CNTNAP2: variants seen among roughly 807,000 people sequenced by gnomAD.
The protein encoded by CNTNAP2 is contactin-associated protein-like 2.
In CNTNAP2, 98 loss-of-function variants were observed where a neutral mutation model predicts 155.2. The ratio of observed to expected loss-of-function variants is 0.63; its 90% CI spans 0.54 to 0.75. CNTNAP2 has a LOEUF of 0.75. CNTNAP2 is among the 30% of genes least tolerant of loss of function. The probability of loss-of-function intolerance (pLI) is 0.00; values close to 1 mark genes in which losing one functional copy is unlikely to be tolerated. For synonymous variants in CNTNAP2, 651 were observed against 631.2 expected, an observed-to-expected ratio of 1.03 and a Z score of -0.47; for missense variants, 1,727 against 1,688.1, an observed-to-expected ratio of 1.02 and a Z score of -0.40.
intron 3 of CNTNAP2, among the ~76,000 whole-genome samples, chr7:146,944,560 A>C (rs1797119233): frequency 6.6e-6 from 1 of 152,184 alleles, no homozygotes; most frequent in African/African-American, 2.4e-5. Flanking sequence ...AAGATTATTA[A>C]TGTAGATATA....
chr7:147,057,148 A>T (rs932676404), intron 4 of CNTNAP2, among the ~76,000 whole-genome samples: 2 of 152,134 alleles, frequency 1.3e-5, no homozygotes, highest in African/African-American at 4.8e-5. Context: ...CTACAAATTT[A>T]TTTAAGATCT....
chr7:146,947,274 A>C (rs1797196407), intron 3 of CNTNAP2, among the ~76,000 whole-genome samples: 3 of 151,304 alleles, frequency 2.0e-5, no homozygotes, highest in African/African-American at 7.3e-5. Flanking sequence ...GTCATTTTTT[A>C]AATTTTTTTC....
chr7:147,197,150 T>C (rs1432792621), intron 8 of CNTNAP2, among the ~76,000 whole-genome samples: 1 of 152,050 alleles, frequency 6.6e-6, no homozygotes, highest in African/African-American at 2.4e-5. Flanking sequence ...CATAGGAGTA[T>C]AACTTTGTAA....
intron 21 of CNTNAP2, among the ~76,000 whole-genome samples, chr7:148,286,324 T>A (rs1797081444): frequency 6.6e-6 from 1 of 152,232 alleles, no homozygotes; most frequent in Non-Finnish European, 1.5e-5. Context: ...TCTGTGTCGA[T>A]CCTAGTGCTC....
chr7:147,851,202 C>G (rs969950445), intron 13 of CNTNAP2, among the ~76,000 whole-genome samples: 2 of 152,076 alleles, frequency 1.3e-5, no homozygotes, highest in Non-Finnish European at 2.9e-5. Flanking sequence ...CAGAGAAATG[C>G]AAATCAAAAC....
At chr7:146,374,265 T>G (rs1038601123) in intron 1 of CNTNAP2, among the ~76,000 whole-genome samples, 31 of 152,162 alleles carry the variant, frequency 2.0e-4, no homozygotes, top group African/African-American at 7.5e-4. Flanking sequence ...GATAAAGAGC[T>G]TCCAAATTTA....
chr7:147,150,412 T>A (rs1801801488), intron 8 of CNTNAP2, among the ~76,000 whole-genome samples: 5 of 151,780 alleles, frequency 3.3e-5, no homozygotes, highest in Admixed American at 2.6e-4. Context: ...AAAGAAAAAA[T>A]GTAGAGTAGA....
intron 13 of CNTNAP2, among the ~76,000 whole-genome samples, chr7:147,775,403 TTATATATATATTTATATA>T: frequency 1.2e-5 from 1 of 81,012 alleles, no homozygotes; most frequent in African/African-American, 4.5e-5. Flanking sequence ...ATATATATAT[TTATATATATATTTATATA>T]TATATATCTG....
At chr7:146,678,537 A>T (rs181100104) in intron 1 of CNTNAP2, among the ~76,000 whole-genome samples, 1 of 152,252 alleles carries the variant, frequency 6.6e-6, no homozygotes, top group East Asian at 1.9e-4. Context: ...GAAAATTTGC[A>T]TATATAATTT....
chr7:148,197,213 T>C (rs1201510021), intron 18 of CNTNAP2, among the ~76,000 whole-genome samples: 1 of 152,154 alleles, frequency 6.6e-6, no homozygotes, highest in Admixed American at 6.5e-5. Context: ...GAAAAATATG[T>C]TTTTACATAA....
In CNTNAP2 at chr7:148,399,368, G is replaced by A. The variant is rs1377993469; in HGVS notation, c.3716-10023G>A. ...CGTGCCTATAGTCCCAGCTACATGA[G>A]TCCAGGAGTTCAAGATCAGCCTGAG... On this transcript the variant is annotated intron_variant, in intron 22 of 23. Transcript: ENST00000361727. 2.0e-5 allele frequency among the ~76,000 whole-genome samples: 3 copies of A among 152,184 alleles called. No individual in the cohort carries two copies. In the East Asian group the frequency reaches 5.8e-4, roughly 29 times the overall value.
chr7:147,956,047 G>A (rs1246082557), intron 14 of CNTNAP2, among the ~76,000 whole-genome samples: 4 of 152,120 alleles, frequency 2.6e-5, no homozygotes, highest in Non-Finnish European at 5.9e-5. Context: ...AGAATTTATA[G>A]CTTACTTAGC....
chr7:146,657,660 A>G (rs1800018334), intron 1 of CNTNAP2, among the ~76,000 whole-genome samples: 2 of 152,082 alleles, frequency 1.3e-5, no homozygotes, highest in South Asian at 2.1e-4. Flanking sequence ...GTTTTTTGCC[A>G]TAACTGTTTT....
Position 147,805,523 on chromosome 7 carries a change from T to A in CNTNAP2, c.2099-98042T>A, listed in dbSNP as rs191130318. Among the ~76,000 whole-genome samples the A allele has an allele frequency of 2.2e-3, 334 of 152,276 alleles. 2 individuals are homozygous for A. The highest frequency in any genetic ancestry group is 6.8e-3 in the Admixed American group (104 of 15,296). ...GTTCCAGATCTTAGAGGAAAGGCAT[T>A]CAGTTTTTCCCTGCTCAGTATGACA... On this transcript the variant is annotated intron_variant, in intron 13 of 23. Transcript: ENST00000361727.
At chr7:147,724,812 G>A (rs1008498945) in intron 13 of CNTNAP2, among the ~76,000 whole-genome samples, 1 of 151,850 alleles carries the variant, frequency 6.6e-6, no homozygotes, top group African/African-American at 2.4e-5. Context: ...GAAGCAAAGT[G>A]GAATAAACAG....
At chr7:148,265,446 A>T (rs1453060829) in intron 20 of CNTNAP2, among the ~76,000 whole-genome samples, 1 of 151,998 alleles carries the variant, frequency 6.6e-6, no homozygotes, top group Non-Finnish European at 1.5e-5. Flanking sequence ...GCTACTTTTT[A>T]AAATTTTTAT....
intron 8 of CNTNAP2, among the ~76,000 whole-genome samples, chr7:147,216,265 G>T (rs1460500889): frequency 6.6e-6 from 1 of 151,890 alleles, no homozygotes; most frequent in East Asian, 1.9e-4. Flanking sequence ...CAAACCTAAG[G>T]TCATGCAGAT....
chr7:147,522,277 A>G (rs1799241685), intron 11 of CNTNAP2, among the ~76,000 whole-genome samples: 1 of 152,222 alleles, frequency 6.6e-6, no homozygotes, highest in African/African-American at 2.4e-5. Context: ...TGACCATAGC[A>G]TATACTTACT....
intron 15 of CNTNAP2, among the ~76,000 whole-genome samples, chr7:148,006,468 C>A (rs565132431): frequency 6.6e-6 from 1 of 151,576 alleles, no homozygotes; most frequent in Non-Finnish European, 1.5e-5. Flanking sequence ...TACAAGCATG[C>A]GCCACCACGC....
Sources: allele counts gnomAD v4.1 joint callset (sites outside exome capture counted in the v4.1 genomes callset), GRCh38; gene constraint gnomAD v4.1.1; transcripts MANE v1.5; gene names NCBI Gene and HGNC (gene_info 2026-07-23, HGNC 2026-07-21).